Variants in CUX2 observed in about 807,000 individuals in gnomAD.
CUX2 encodes homeobox protein cut-like 2.
In CUX2, 40 loss-of-function variants were observed where a neutral mutation model predicts 144.8. The observed-to-expected ratio is 0.28, with a 90% CI of 0.21 to 0.36. The LOEUF (loss-of-function observed/expected upper bound fraction) is 0.36, where lower values mean the gene tolerates loss of function less well. CUX2 is among the 10% of genes least tolerant of loss of function. The pLI, the probability that CUX2 is intolerant of heterozygous loss-of-function variation, is 1.00. For missense variants in CUX2, 1,615 were observed against 1,994.0 expected (o/e 0.81, Z 3.62); for synonymous variants, 827 against 875.6 (o/e 0.94, Z 0.98).
intron 1 of CUX2, among the ~76,000 whole-genome samples, chr12:111,122,084 A>G (rs983448504): frequency 2.0e-5 from 3 of 152,282 alleles, no homozygotes; most frequent in Admixed American, 6.5e-5. Flanking sequence ...TAGCCATTTA[A>G]AAAGAAGATT....
chr12:111,228,660 G>A (rs1882304138), intron 3 of CUX2, among the ~76,000 whole-genome samples: 1 of 152,036 alleles, frequency 6.6e-6, no homozygotes, highest in Admixed American at 6.6e-5. Flanking sequence ...CTGACCTCAG[G>A]TGATCCACTT....
At chr12:111,199,666 C>T (rs1448728924) in intron 1 of CUX2, among the ~76,000 whole-genome samples, 2 of 152,082 alleles carry the variant, frequency 1.3e-5, no homozygotes, top group Non-Finnish European at 2.9e-5. Context: ...AGTAAGAACT[C>T]AATTCTGCTG....
At chr12:111,341,562 C>T (rs753110104) in intron 20 of CUX2, among the ~76,000 whole-genome samples, 8 of 149,850 alleles carry the variant, frequency 5.3e-5, no homozygotes, top group Non-Finnish European at 1.0e-4. Context: ...CCCGGGCGGG[C>T]GAGGTTAGGC....
At chr12:111,050,325 T>G (rs895085734) in intron 1 of CUX2, among the ~76,000 whole-genome samples, 1 of 152,214 alleles carries the variant, frequency 6.6e-6, no homozygotes, top group Non-Finnish European at 1.5e-5. Context: ...CCTGACCCTG[T>G]GTGACCTCAT....
In CUX2 at chr12:111,246,661, C is replaced by T. The variant is rs1459661838; in HGVS notation, c.223-17100C>T. On this transcript the variant is annotated intron_variant, in intron 3 of 21. Transcript: ENST00000261726. This position sits in a 1 kb window ranked among gnomAD's most constrained non-coding sequence, Gnocchi z 4.0. ...CATGTGGAATTTGGACCACAGACTC[C>T]ACGTTTGCAAAGTTGGACTTAGAGG... is the stretch of plus-strand genomic sequence containing the variant. Among the ~76,000 whole-genome samples the T allele has an allele frequency of 6.6e-6, 1 of 152,190 alleles. No individual in the cohort carries two copies. Among genetic ancestry groups the T allele is most frequent in the Non-Finnish European group, 1.5e-5 (1 of 68,032 alleles).
At chr12:111,328,580 T>TTGTATG (rs1555217352) in intron 18 of CUX2, among the ~76,000 whole-genome samples, 1 of 135,752 alleles carries the variant, frequency 7.4e-6, no homozygotes, top group African/African-American at 2.8e-5. Flanking sequence ...CCAATTTCTT[T>TTGTATG]TGTGTGTGTG....
intron 1 of CUX2, among the ~76,000 whole-genome samples, chr12:111,167,702 G>C (rs4766545): frequency 1.4e-5 from 2 of 142,326 alleles, no homozygotes; most frequent in South Asian, 2.4e-4. Flanking sequence ...TTGTTTGTTT[G>C]TTTCTTTTTT....
chr12:111,292,411 GA>G (rs572820850), intron 5 of CUX2, among the ~76,000 whole-genome samples: 3,341 of 152,044 alleles, frequency 0.022, 64 homozygotes, highest in Non-Finnish European at 0.037. Flanking sequence ...CCAATATGGT[GA>G]AACCCTGTCT....
intron 1 of CUX2, among the ~76,000 whole-genome samples, chr12:111,185,857 T>G (rs894728227): frequency 6.6e-6 from 1 of 152,122 alleles, no homozygotes; most frequent in Non-Finnish European, 1.5e-5. Context: ...GGGGGCTGCC[T>G]GCAATGTAGG....
rs1869611498 is a variant in CUX2, at chr12:111,039,120, CTG to C, written c.63+4883_63+4884del. 6.6e-6 allele frequency among the ~76,000 whole-genome samples: 1 copy of C among 152,078 alleles called. No homozygotes were observed. The highest frequency in any genetic ancestry group is 2.4e-5 in the African/African-American group (1 of 41,394). On this transcript the variant is annotated intron_variant, in intron 1 of 21. Transcript: ENST00000261726. The surrounding 1 kb of genome is among the most constrained non-coding windows in gnomAD (Gnocchi z 4.2). ...GATGGTAGACAAGGCTGCCCAGAAA[CTG>C]TGGTTTTCTGTGCTGCTTCTGAAAG...
At chr12:111,044,151 T>C (rs937531032) in intron 1 of CUX2, among the ~76,000 whole-genome samples, 13 of 152,172 alleles carry the variant, frequency 8.5e-5, no homozygotes, top group African/African-American at 2.9e-4. Context: ...TACAAATCTC[T>C]TTGCCATATG....
At chr12:111,257,199 T>TCCCTCCTCCTCCCTCTC (rs1883859315) in intron 3 of CUX2, among the ~76,000 whole-genome samples, 3 of 150,758 alleles carry the variant, frequency 2.0e-5, no homozygotes, top group Non-Finnish European at 4.4e-5. Flanking sequence ...TCCTCCCTCT[T>TCCCTCCTCCTCCCTCTC]CCCTCCTCCT....
At position 111,246,895 on chromosome 12, in the gene CUX2, C is replaced by G. The variant is rs545699340; in HGVS notation, c.223-16866C>G. On this transcript the variant is annotated intron_variant, in intron 3 of 21. Coordinates refer to ENST00000261726, the MANE Select transcript of CUX2 (RefSeq NM_015267.4). The surrounding 1 kb of genome is among the most constrained non-coding windows in gnomAD (Gnocchi z 4.0). ...CCTCAAAGCGCTGCTTCCCTGCCAC[C>G]CTCTGCTGTGGTCTATGTCTTTCTG... Among the ~76,000 whole-genome samples the G allele has an allele frequency of 6.6e-6, 1 of 152,268 alleles. No individual in the cohort carries two copies. Among genetic ancestry groups the G allele is most frequent in the Admixed American group, 6.5e-5 (1 of 15,290 alleles).
intron 2 of CUX2, among the ~76,000 whole-genome samples, chr12:111,216,370 A>G (rs1257387939): frequency 6.6e-6 from 1 of 152,102 alleles, no homozygotes; most frequent in African/African-American, 2.4e-5. Context: ...TCCAGAACTA[A>G]TGTTTCCTGA....
intron 3 of CUX2, among the ~76,000 whole-genome samples, chr12:111,232,678 A>T (rs1882538234): frequency 6.6e-6 from 1 of 152,202 alleles, no homozygotes; most frequent in Admixed American, 6.5e-5. Context: ...CTCAGAACCT[A>T]TCTAGCCCAC....
At chr12:111,126,582 C>A (rs1228505606) in intron 1 of CUX2, among the ~76,000 whole-genome samples, 1 of 152,206 alleles carries the variant, frequency 6.6e-6, no homozygotes, top group African/African-American at 2.4e-5. Flanking sequence ...GAGGGAGGGT[C>A]AGCTTTTCTG....
At chr12:111,109,182 T>G (rs1448032199) in intron 1 of CUX2, among the ~76,000 whole-genome samples, 2 of 152,214 alleles carry the variant, frequency 1.3e-5, no homozygotes, top group Non-Finnish European at 2.9e-5. Context: ...TTCCTGTCCC[T>G]CTTTCTCTCT....
In CUX2 at chr12:111,073,904, G is replaced by A. The variant is rs79151982; in HGVS notation, c.63+39664G>A. Among the ~76,000 whole-genome samples, 78 of 151,948 alleles carry A rather than the reference G, an allele frequency of 5.1e-4. No homozygotes were observed. In the East Asian group the frequency reaches 0.011, roughly 22 times the overall value. The stretch of plus-strand genomic sequence containing the variant: ...TGAGGAGTTCAAGGCTGCAGTGAGC[G>A]ATGATCACACCACTGCACTCCAGCC... On this transcript the variant is annotated intron_variant, in intron 1 of 21. Transcript: ENST00000261726.
chr12:111,044,845 G>A (rs1367099092), intron 1 of CUX2, among the ~76,000 whole-genome samples: 1 of 152,164 alleles, frequency 6.6e-6, no homozygotes, highest in Non-Finnish European at 1.5e-5. Flanking sequence ...AAAGTTGCTG[G>A]GAATTGGGCA....
Sources: allele counts gnomAD v4.1 joint callset (sites outside exome capture counted in the v4.1 genomes callset), GRCh38; gene constraint gnomAD v4.1.1; non-coding constraint Gnocchi (gnomAD v3.1); transcripts MANE v1.5; gene names NCBI Gene and HGNC (gene_info 2026-07-23, HGNC 2026-07-21).